The following ME2 variants were observed in gnomAD, a reference collection of about 807,000 sequenced individuals.
ME2 encodes NAD-dependent malic enzyme, mitochondrial.
Under a neutral mutation model 73.7 loss-of-function variants are expected in ME2, and 60 were observed. That is an observed-to-expected ratio of 0.81 (90% CI 0.66 to 1.01). The LOEUF is 1.01. Ranked by LOEUF, ME2 falls within the 50% of genes least tolerant of loss-of-function variation. The pLI is 0.00. For synonymous variants in ME2, 199 were observed against 236.9 expected, an observed-to-expected ratio of 0.84 and a Z score of 1.47; for missense variants, 594 against 705.5, an observed-to-expected ratio of 0.84 and a Z score of 1.79.
intron 1 of ME2, among the ~76,000 whole-genome samples, chr18:50,892,315 C>T (rs1009377604): frequency 4.6e-5 from 7 of 152,122 alleles, no homozygotes; most frequent in Non-Finnish European, 8.8e-5. Flanking sequence ...TTCAAGGCTG[C>T]AGTGAGCTAT....
chr18:50,931,246 G>A (rs996415949), intron 12 of ME2, among the ~76,000 whole-genome samples: 9 of 152,154 alleles, frequency 5.9e-5, no homozygotes, highest in Admixed American at 5.9e-4. Context: ...CTTTAACAAG[G>A]CATCAGGCCA....
chr18:50,916,345 T>C, intron 5 of ME2, 102 bp downstream of exon 5: 1 of 893,350 alleles, frequency 1.1e-6, no homozygotes. Flanking sequence ...TCATTTATTT[T>C]GCACTTATAT....
intron 1 of ME2, among the ~76,000 whole-genome samples, chr18:50,894,305 T>C (rs1359759589): frequency 6.6e-6 from 1 of 152,200 alleles, no homozygotes; most frequent in African/African-American, 2.4e-5. Flanking sequence ...GGCCCACGCC[T>C]GTAATCTCAG....
chr18:50,946,486 G>A (rs1918085775), intron 15 of ME2, among the ~76,000 whole-genome samples: 1 of 152,176 alleles, frequency 6.6e-6, no homozygotes, highest in Admixed American at 6.5e-5. Flanking sequence ...CGAGAGTAAA[G>A]GAGGTATCCT....
chr18:50,950,001 G>T lies in ME2; in HGVS notation c.*2817G>T, dbSNP rs575509115. The T allele has an allele frequency of 5.9e-5, 9 of 152,192 alleles. No homozygotes were observed. Among genetic ancestry groups the T allele is most frequent in the Non-Finnish European group, 1.0e-4 (7 of 68,040 alleles). The allele number at this position is 152,192 out of a possible 1,614,324, so 9.4% of individuals were successfully genotyped here. A position where few individuals can be genotyped will look rare whatever the true frequency, so the allele number is the denominator to read the frequency against. The stretch of plus-strand genomic sequence containing the variant: ...CGATGAGACTTTACCTAGCAAGAAG[G>T]TAATTATTTTGAATAACAGCAATAG... On this transcript the variant is annotated 3_prime_UTR_variant, in exon 16 of 16. Coordinates refer to ENST00000321341, the MANE Select transcript of ME2 (RefSeq NM_002396.5).
intron 1 of ME2, among the ~76,000 whole-genome samples, chr18:50,894,477 A>G (rs1916685373): frequency 6.6e-6 from 1 of 151,818 alleles, no homozygotes; most frequent in South Asian, 2.1e-4. Flanking sequence ...CTAAGGCAGG[A>G]GAATAGCTTG....
intron 13 of ME2, among the ~76,000 whole-genome samples, chr18:50,937,690 A>T (rs914606063): frequency 3.3e-5 from 5 of 152,062 alleles, no homozygotes; most frequent in African/African-American, 4.8e-5. Context: ...TTTATTTTTT[A>T]AAAAAATAGA....
At chr18:50,901,386 A>G (rs1916885954) in intron 2 of ME2, among the ~76,000 whole-genome samples, 1 of 152,204 alleles carries the variant, frequency 6.6e-6, no homozygotes, top group Non-Finnish European at 1.5e-5. Context: ...CTCTCAGGAT[A>G]TGTCTTATAT....
intron 1 of ME2, among the ~76,000 whole-genome samples, chr18:50,891,848 C>G (rs1417810079): frequency 4.1e-5 from 6 of 146,272 alleles, no homozygotes; most frequent in African/African-American, 1.2e-4. Context: ...GGGTCTCACT[C>G]TGTCATCCAG....
chr18:50,945,697 G>A (rs946573404), intron 15 of ME2, among the ~76,000 whole-genome samples: 7 of 152,158 alleles, frequency 4.6e-5, no homozygotes, highest in South Asian at 2.1e-4. Context: ...CATTTGGAAT[G>A]AGAATTAGAG....
At chr18:50,936,886 G>T (rs1205195367) in intron 13 of ME2, among the ~76,000 whole-genome samples, 1 of 152,078 alleles carries the variant, frequency 6.6e-6, no homozygotes, top group East Asian at 1.9e-4. Flanking sequence ...AGCTTTGGTC[G>T]TGCCACAGCA....
At position 50,948,437 on chromosome 18, in the gene ME2, A is replaced by G. The variant is rs1400810335; in HGVS notation, c.*1253A>G. The G allele has an allele frequency of 6.6e-6, 1 of 152,176 alleles. No individual in the cohort carries two copies. Among genetic ancestry groups the G allele is most frequent in the Non-Finnish European group, 1.5e-5 (1 of 68,038 alleles). 9.4% of individuals were successfully genotyped at this position (152,176 alleles called of 1,614,324 possible). A position where few individuals can be genotyped will look rare whatever the true frequency, so the allele number is the denominator to read the frequency against. On this transcript the variant is annotated 3_prime_UTR_variant, in exon 16 of 16. Coordinates refer to ENST00000321341, the MANE Select transcript of ME2 (RefSeq NM_002396.5). ...CTCATTCTAGGATAGTAACAACAAC[A>G]GATAATTCATCGATAATATGAGCAT...
chr18:50,886,694 T>G lies in ME2; in HGVS notation c.-13+7386T>G, dbSNP rs1293464190. On this transcript the variant is annotated intron_variant, in intron 1 of 15. Coordinates refer to ENST00000321341, the MANE Select transcript of ME2 (RefSeq NM_002396.5). Reference sequence around the variant, plus strand: ...AATAGATTCTGTTTAATGCTTTTGATGTTTACCTAGAGAAAACCAAATCTG... The same window carrying G: ...AATAGATTCTGTTTAATGCTTTTGAGGTTTACCTAGAGAAAACCAAATCTG... Among the ~76,000 whole-genome samples the G allele has an allele frequency of 2.0e-5, 3 of 152,326 alleles. No homozygotes were observed. The East Asian group carries it at 5.8e-4, about 29-fold the overall frequency.
chr18:50,898,228 C>G (rs1916798540), intron 2 of ME2, among the ~76,000 whole-genome samples: 1 of 152,158 alleles, frequency 6.6e-6, no homozygotes, highest in Non-Finnish European at 1.5e-5. Context: ...TGTCTGTAAT[C>G]ACTGTATACT....
intron 15 of ME2, 98 bp downstream of exon 15, chr18:50,940,484 C>T (rs754789568): frequency 7.1e-6 from 6 of 847,952 alleles, no homozygotes; most frequent in African/African-American, 1.7e-5. Context: ...ATTTAGAAGG[C>T]TGCAAAGAAG....
chr18:50,936,242 G>A (rs1024013347), intron 13 of ME2, among the ~76,000 whole-genome samples: 1 of 152,130 alleles, frequency 6.6e-6, no homozygotes, highest in Non-Finnish European at 1.5e-5. Flanking sequence ...GGAAATACTT[G>A]CCAACCTAGA....
In ME2 at chr18:50,920,654, C is replaced by T; in HGVS notation, c.845-7C>T. 6.3e-7 allele frequency: 1 copy of T among 1,588,842 alleles called. No homozygotes were observed. The highest frequency in any genetic ancestry group is 8.5e-7 in the Non-Finnish European group (1 of 1,173,364). ...TTTATTTGTAAAAATCTTTGTTTTTCTTACAGGGACAGCTGCAGTAGCTCT... is the reference window on the plus strand; with the variant it reads ...TTTATTTGTAAAAATCTTTGTTTTTTTTACAGGGACAGCTGCAGTAGCTCT... On this transcript the variant is annotated splice_polypyrimidine_tract_variant and splice_region_variant and intron_variant, in intron 8 of 15. Coordinates refer to ENST00000321341, the MANE Select transcript of ME2 (RefSeq NM_002396.5).
chr18:50,897,766 A>G (rs1248132425), intron 2 of ME2, among the ~76,000 whole-genome samples: 3 of 152,108 alleles, frequency 2.0e-5, no homozygotes, highest in Non-Finnish European at 4.4e-5. Flanking sequence ...AGGCTGAGGC[A>G]GGAGAATCGT....
rs1418281633 is a variant in ME2 at position 50,952,757 on chromosome 18, T to A, written c.*5573T>A. The A allele has an allele frequency of 6.6e-6, 1 of 152,242 alleles. No homozygotes were observed. Among genetic ancestry groups the A allele is most frequent in the East Asian group, 1.9e-4 (1 of 5,202 alleles). The allele number at this position is 152,242 out of a possible 1,614,324, so 9.4% of individuals were successfully genotyped here. On this transcript the variant is annotated 3_prime_UTR_variant, in exon 16 of 16. Coordinates refer to ENST00000321341, the MANE Select transcript of ME2 (RefSeq NM_002396.5). ...AGTATATATTCAAGCAAATCGTTGA[T>A]TCCTATACAGCCATTGGATTATCAC...
Sources: gnomAD v4.1 joint callset for allele counts (sites outside exome capture counted in the v4.1 genomes callset) on GRCh38, gnomAD v4.1.1 for gene constraint, MANE v1.5 for transcripts, NCBI Gene and HGNC (gene_info 2026-07-23, HGNC 2026-07-21) for gene names.